The following KCNH8 variants were observed in gnomAD, a reference collection of about 807,000 sequenced individuals.
The protein encoded by KCNH8 is voltage-gated delayed rectifier potassium channel KCNH8.
KCNH8 carries 70 observed loss-of-function variants against 103.6 expected under a neutral mutation model. The ratio of observed to expected loss-of-function variants is 0.68; its 90% CI spans 0.56 to 0.82. The LOEUF (loss-of-function observed/expected upper bound fraction) is 0.82. KCNH8 is among the 40% of genes least tolerant of loss of function. The probability of loss-of-function intolerance (pLI) is 0.00; values close to 1 mark genes in which losing one functional copy is unlikely to be tolerated. For missense variants in KCNH8, 1,217 were observed against 1,329.9 expected (o/e 0.92, Z 1.32); for synonymous variants, 498 against 489.4 (o/e 1.02, Z -0.23).
chr3:19,398,854 G>C (rs2066565154), intron 7 of KCNH8, among the ~76,000 whole-genome samples: 2 of 151,992 alleles, frequency 1.3e-5, no homozygotes, highest in Non-Finnish European at 2.9e-5. Flanking sequence ...ACTATGACTA[G>C]TGAATACTTA....
intron 3 of KCNH8, among the ~76,000 whole-genome samples, chr3:19,283,147 A>C (rs2064779246): frequency 6.6e-6 from 1 of 152,208 alleles, no homozygotes; most frequent in Non-Finnish European, 1.5e-5. Context: ...AGCTAAGTTA[A>C]GGAGCAGAGA....
At chr3:19,199,285 CCACAAA>C (rs2063632962) in intron 1 of KCNH8, among the ~76,000 whole-genome samples, 1 of 152,004 alleles carries the variant, frequency 6.6e-6, no homozygotes, top group Admixed American at 6.6e-5. Context: ...ACAGTAAGTT[CCACAAA>C]TGTCAGAGCA....
At chr3:19,149,508 G>GA (rs942023952) in intron 1 of KCNH8, among the ~76,000 whole-genome samples, 7 of 151,346 alleles carry the variant, frequency 4.6e-5, no homozygotes, top group Non-Finnish European at 8.9e-5. Flanking sequence ...GCTACAGTAG[G>GA]AAAAAAAATA....
At chr3:19,235,649 G>A (rs988465064) in intron 1 of KCNH8, among the ~76,000 whole-genome samples, 5 of 152,138 alleles carry the variant, frequency 3.3e-5, no homozygotes, top group Non-Finnish European at 7.4e-5. Context: ...ATCTATGTAA[G>A]TCTGTTTTAC....
intron 1 of KCNH8, among the ~76,000 whole-genome samples, chr3:19,159,823 A>G (rs2063217024): frequency 6.6e-6 from 1 of 152,118 alleles, no homozygotes; most frequent in Non-Finnish European, 1.5e-5. Flanking sequence ...ATTGTACACC[A>G]ACTAGTAATG....
chr3:19,279,604 CTA>C (rs2125273065), intron 2 of KCNH8, among the ~76,000 whole-genome samples: 1 of 151,412 alleles, frequency 6.6e-6, no homozygotes, highest in East Asian at 1.9e-4. Flanking sequence ...AATCATGACT[CTA>C]AAACTATTGG....
intron 13 of KCNH8, 55 bp downstream of exon 13, chr3:19,513,380 G>GAGT: frequency 6.6e-7 from 1 of 1,521,738 alleles, no homozygotes; most frequent in Non-Finnish European, 8.8e-7. Context: ...CTTTTATACA[G>GAGT]AGTAGTACCT....
At chr3:19,170,810 A>ATT (rs1163528137) in intron 1 of KCNH8, among the ~76,000 whole-genome samples, 97 of 75,318 alleles carry the variant, frequency 1.3e-3, no homozygotes, top group Admixed American at 2.5e-3. Context: ...ATATATATAT[A>ATT]TTTTTTTTTT....
intron 11 of KCNH8, among the ~76,000 whole-genome samples, chr3:19,477,682 T>C (rs1044817486): frequency 6.6e-6 from 1 of 152,166 alleles, no homozygotes; most frequent in African/African-American, 2.4e-5. Context: ...TTAAGAGAGA[T>C]GCATGATTAT....
At chr3:19,526,147 G>A (rs1242929363) in intron 15 of KCNH8, among the ~76,000 whole-genome samples, 1 of 151,814 alleles carries the variant, frequency 6.6e-6, no homozygotes, top group Non-Finnish European at 1.5e-5. Context: ...GGGGAGGATT[G>A]GTATAATTAG....
At chr3:19,409,456 A>T (rs756268047) in intron 7 of KCNH8, among the ~76,000 whole-genome samples, 3 of 152,156 alleles carry the variant, frequency 2.0e-5, no homozygotes, top group Admixed American at 1.3e-4. Context: ...GCAAAAATAC[A>T]ATAGAAATTA....
At chr3:19,240,882 A>G (rs1235313303) in intron 1 of KCNH8, among the ~76,000 whole-genome samples, 1 of 152,124 alleles carries the variant, frequency 6.6e-6, no homozygotes, top group African/African-American at 2.4e-5. Context: ...GCTCTTCTAA[A>G]AATGCCTCAG....
intron 5 of KCNH8, among the ~76,000 whole-genome samples, chr3:19,370,869 T>C (rs1194949774): frequency 1.3e-5 from 2 of 151,850 alleles, no homozygotes; most frequent in African/African-American, 2.4e-5. Context: ...GTTTGGTTTT[T>C]TCTTCTTGAG....
At chr3:19,483,297 T>C (rs1486705521) in intron 11 of KCNH8, among the ~76,000 whole-genome samples, 1 of 152,192 alleles carries the variant, frequency 6.6e-6, no homozygotes, top group Non-Finnish European at 1.5e-5. Flanking sequence ...ATTTACTAAA[T>C]GGATTCCTTT....
In KCNH8 at chr3:19,460,333, C is replaced by A. The variant is rs543432683; in HGVS notation, c.2040+3351C>A. 2.0e-5 allele frequency among the ~76,000 whole-genome samples: 3 copies of A among 152,282 alleles called. No homozygotes were observed. In the East Asian group the frequency reaches 5.8e-4, roughly 29 times the overall value. ...CCATCTCCCCAACACCACGTGACTG[C>A]TGAAATCTCTATCCTGTAATTTAGC... On this transcript the variant is annotated intron_variant, in intron 11 of 15. Transcript: ENST00000328405.
intron 7 of KCNH8, among the ~76,000 whole-genome samples, chr3:19,400,590 T>C (rs1258765922): frequency 6.6e-6 from 1 of 151,958 alleles, no homozygotes; most frequent in Non-Finnish European, 1.5e-5. Context: ...AGCGTATCCA[T>C]TGCAGATGCC....
chr3:19,173,037 C>G (rs73048533), intron 1 of KCNH8, among the ~76,000 whole-genome samples: 1 of 152,200 alleles, frequency 6.6e-6, no homozygotes, highest in Non-Finnish European at 1.5e-5. Flanking sequence ...TATGGAGATT[C>G]ATTTCATTCT....
intron 1 of KCNH8, among the ~76,000 whole-genome samples, chr3:19,192,538 A>T (rs2063563024): frequency 6.6e-6 from 1 of 151,692 alleles, no homozygotes; most frequent in Non-Finnish European, 1.5e-5. Flanking sequence ...ATCTTCCAGG[A>T]AATTCACAGT....
intron 15 of KCNH8, among the ~76,000 whole-genome samples, chr3:19,530,403 A>G (rs1250765664): frequency 3.3e-5 from 5 of 152,202 alleles, no homozygotes; most frequent in Non-Finnish European, 5.9e-5. Flanking sequence ...AAAATATCAC[A>G]TGCATCCTAT....
Sources: gnomAD v4.1 joint callset for allele counts (sites outside exome capture counted in the v4.1 genomes callset) on GRCh38, gnomAD v4.1.1 for gene constraint, MANE v1.5 for transcripts, NCBI Gene and HGNC (gene_info 2026-07-23, HGNC 2026-07-21) for gene names.